The following PMFBP1 variants were observed in gnomAD, a reference collection of about 807,000 sequenced individuals.
The protein encoded by PMFBP1 is polyamine-modulated factor 1-binding protein 1.
A neutral mutation model predicts 137.8 loss-of-function variants in PMFBP1; 131 were observed. The ratio of observed to expected loss-of-function variants is 0.95; its 90% confidence interval spans 0.82 to 1.10. The LOEUF (loss-of-function observed/expected upper bound fraction) is 1.10, where lower values mean the gene tolerates loss of function less well. Among genes scored for constraint, PMFBP1 ranks in the 50% least tolerant of loss-of-function variants. The pLI, the probability that PMFBP1 is intolerant of heterozygous loss-of-function variation, is 0.00. For synonymous variants in PMFBP1, 490 were observed against 450.4 expected, an observed-to-expected ratio of 1.09 and a Z score of -1.11; for missense variants, 1,199 against 1,175.4, an observed-to-expected ratio of 1.02 and a Z score of -0.29.
intron 5 of PMFBP1, among the ~76,000 whole-genome samples, chr16:72,141,665 C>T (rs1238413980): frequency 6.6e-6 from 1 of 151,622 alleles, no homozygotes; most frequent in African/African-American, 2.4e-5. Context: ...ATGTGTTGAT[C>T]TGGTTTCCTA....
the PMFBP1 span, among the ~76,000 whole-genome samples, chr16:72,226,849 C>T: frequency 1.3e-5 from 2 of 152,090 alleles, no homozygotes; most frequent in Non-Finnish European, 2.9e-5. Context: ...TGATCTCCAT[C>T]AGCAAAAATG....
At chr16:72,155,487 T>C (rs2042967381) in intron 3 of PMFBP1, among the ~76,000 whole-genome samples, 1 of 152,210 alleles carries the variant, frequency 6.6e-6, no homozygotes, top group African/African-American at 2.4e-5. Context: ...CTAATTAGAT[T>C]ATAAACTCCT....
upstream of PMFBP1, among the ~76,000 whole-genome samples, chr16:72,173,747 C>T (rs1327868974): frequency 3.9e-5 from 6 of 152,144 alleles, no homozygotes; most frequent in Non-Finnish European, 5.9e-5. Flanking sequence ...ACAGGCTTTA[C>T]GAAATGCCAT....
intron 15 of PMFBP1, 69 bp from the exon 16 acceptor site, chr16:72,125,474 G>A: frequency 1.3e-6 from 2 of 1,528,898 alleles, no homozygotes; most frequent in Non-Finnish European, 1.8e-6. Flanking sequence ...GTCCTGAATG[G>A]AGGAGGGTTC....
chr16:72,169,672 TAA>T (rs1359352087), intron 2 of PMFBP1, among the ~76,000 whole-genome samples: 5 of 112,798 alleles, frequency 4.4e-5, no homozygotes, highest in Non-Finnish European at 7.2e-5. Context: ...GTAAGAAAGA[TAA>T]ACACACACAC....
chr16:72,125,945 G>A (rs779712706), intron 15 of PMFBP1, 23 bp downstream of exon 15: 10 of 1,611,032 alleles, frequency 6.2e-6, no homozygotes, highest in African/African-American at 1.3e-5. Context: ...AACAGCCCTG[G>A]AGACTAGAGG....
chr16:72,230,053 T>C, the PMFBP1 span, among the ~76,000 whole-genome samples: 2 of 152,138 alleles, frequency 1.3e-5, no homozygotes, highest in South Asian at 4.1e-4. Context: ...TGTAAATGGG[T>C]TTACCAATAC....
At chr16:72,210,813 AG>A in the PMFBP1 span, among the ~76,000 whole-genome samples, 5 of 152,176 alleles carry the variant, frequency 3.3e-5, no homozygotes, top group African/African-American at 1.2e-4. Flanking sequence ...TCCCTAGTAC[AG>A]TAAGAGTGAT....
chr16:72,120,069 A>T lies in PMFBP1; in HGVS notation c.2789T>A (p.Val930Asp). Residue 930 changes from valine (V) to aspartate (D), a missense_variant, in exon 20 of 21, where the codon GTC becomes GAC. By Grantham distance (152) the Val-to-Asp change is radical (BLOSUM62 -3). Coordinates refer to ENST00000237353, the MANE Select transcript of PMFBP1 (RefSeq NM_031293.3). ...CTTCTTGTTTTCCTGCTGCAAGTGGACCATTACACTGTGGAGGTGGCTGTG... is the reference window on the plus strand; with the variant it reads ...CTTCTTGTTTTCCTGCTGCAAGTGGTCCATTACACTGTGGAGGTGGCTGTG... ...GEKDHLHSVM[V>D]HLQQENKKLK... 3 of 1,614,040 alleles carry T rather than the reference A, an allele frequency of 1.9e-6. No individual in the cohort carries two copies. The highest frequency in any genetic ancestry group is 1.7e-6 in the Non-Finnish European group (2 of 1,180,016).
the PMFBP1 span, among the ~76,000 whole-genome samples, chr16:72,208,529 TAGTTTGC>T: frequency 6.6e-6 from 1 of 152,252 alleles, no homozygotes; most frequent in Non-Finnish European, 1.5e-5. Context: ...AACTTTAAAG[TAGTTTGC>T]ATTTTTGGCA....
the PMFBP1 span, among the ~76,000 whole-genome samples, chr16:72,199,991 G>T: frequency 6.6e-6 from 1 of 152,222 alleles, no homozygotes; most frequent in Non-Finnish European, 1.5e-5. Context: ...GGAAATGAAG[G>T]GAAGCGATGC....
the PMFBP1 span, among the ~76,000 whole-genome samples, chr16:72,185,993 G>A: frequency 2.6e-5 from 4 of 152,192 alleles, no homozygotes; most frequent in Non-Finnish European, 5.9e-5. Flanking sequence ...AGATAGCAAA[G>A]ATCTTGGGGC....
intron 14 of PMFBP1, 82 bp from the exon 15 acceptor site, chr16:72,126,214 G>T: frequency 6.7e-7 from 1 of 1,488,042 alleles, no homozygotes; most frequent in Non-Finnish European, 9.1e-7. Context: ...AAATGAACAA[G>T]AGCCAAGCTC....
the PMFBP1 span, among the ~76,000 whole-genome samples, chr16:72,222,074 A>C: frequency 3.5e-4 from 54 of 152,312 alleles, no homozygotes; most frequent in Non-Finnish European, 7.1e-4. Context: ...AGCAATATGC[A>C]TGGGAGTCGT....
chr16:72,182,533 G>A, the PMFBP1 span, among the ~76,000 whole-genome samples: 5 of 150,610 alleles, frequency 3.3e-5, no homozygotes, highest in African/African-American at 9.8e-5. Context: ...GAGGTTAGGG[G>A]ATAGCAGGAA....
chr16:72,133,643 G>T (rs972003682), intron 9 of PMFBP1, among the ~76,000 whole-genome samples: 6 of 152,120 alleles, frequency 3.9e-5, no homozygotes, highest in Non-Finnish European at 7.4e-5. Context: ...TCAGGTGTGA[G>T]CAGGGCAGGA....
chr16:72,242,087 T>C, the PMFBP1 span, among the ~76,000 whole-genome samples: 1 of 152,044 alleles, frequency 6.6e-6, no homozygotes, highest in Admixed American at 6.5e-5. Context: ...CCTTCTCTTC[T>C]CCTCCCTGAC....
At chr16:72,184,088 C>T in the PMFBP1 span, among the ~76,000 whole-genome samples, 1 of 152,176 alleles carries the variant, frequency 6.6e-6, no homozygotes, top group Non-Finnish European at 1.5e-5. Context: ...CCCAGATTTC[C>T]TCCTGCTCTT....
At chr16:72,228,843 T>A in the PMFBP1 span, among the ~76,000 whole-genome samples, 1 of 151,704 alleles carries the variant, frequency 6.6e-6, no homozygotes, top group Non-Finnish European at 1.5e-5. Flanking sequence ...ATTACTTTTT[T>A]TTTTTTTTTT....
Sources: allele counts gnomAD v4.1 joint callset (sites outside exome capture counted in the v4.1 genomes callset), GRCh38; gene constraint gnomAD v4.1.1; transcripts MANE v1.5; gene names NCBI Gene and HGNC (gene_info 2026-07-23, HGNC 2026-07-21).